Variants in UNC13C observed in about 807,000 individuals in gnomAD.
UNC13C encodes the protein protein unc-13 homolog C.
UNC13C carries 174 observed loss-of-function variants against 245.4 expected under a neutral mutation model. The ratio of observed to expected loss-of-function variants is 0.71; its 90% confidence interval spans 0.63 to 0.80. UNC13C has a LOEUF of 0.80. Ranked by LOEUF, UNC13C falls within the 30% of genes least tolerant of loss-of-function variation. The pLI, the probability that UNC13C is intolerant of heterozygous loss-of-function variation, is 0.00. For synonymous variants in UNC13C, 992 were observed against 895.1 expected, an observed-to-expected ratio of 1.11 and a Z score of -1.93; for missense variants, 2,829 against 2,602.9, an observed-to-expected ratio of 1.09 and a Z score of -1.89.
chr15:54,100,044 C>T (rs1036058388), intron 2 of UNC13C, among the ~76,000 whole-genome samples: 5 of 142,106 alleles, frequency 3.5e-5, no homozygotes, highest in African/African-American at 1.3e-4. Flanking sequence ...AGGTTGCAGT[C>T]AGCAAAGATC....
chr15:54,180,293 A>G (rs1267268621), intron 4 of UNC13C, among the ~76,000 whole-genome samples: 1 of 152,044 alleles, frequency 6.6e-6, no homozygotes, highest in African/African-American at 2.4e-5. Flanking sequence ...GCTTAGGATA[A>G]TGGCCTCCAG....
chr15:53,968,953 A>G, the UNC13C span, among the ~76,000 whole-genome samples: 1 of 152,046 alleles, frequency 6.6e-6, no homozygotes, highest in Admixed American at 6.6e-5. Context: ...AATCCCCACA[A>G]TCCCTATCTT....
At chr15:54,196,009 T>TCA (rs2034341210) in intron 4 of UNC13C, among the ~76,000 whole-genome samples, 1 of 152,118 alleles carries the variant, frequency 6.6e-6, no homozygotes, top group Non-Finnish European at 1.5e-5. Context: ...TGTGACCATC[T>TCA]TTATCTCATG....
chr15:53,980,490 T>C (rs1337721756), intron 1 of UNC13C, among the ~76,000 whole-genome samples: 1 of 152,196 alleles, frequency 6.6e-6, no homozygotes. Flanking sequence ...CATTAAGTAA[T>C]TTTTTAAACT....
intron 10 of UNC13C, among the ~76,000 whole-genome samples, chr15:54,280,034 T>TAA (rs2036934607): frequency 6.6e-6 from 1 of 152,162 alleles, no homozygotes; most frequent in Middle Eastern, 3.2e-3. Flanking sequence ...AACATTTTAG[T>TAA]AATGTGTGTG....
intron 19 of UNC13C, among the ~76,000 whole-genome samples, chr15:54,419,363 T>C (rs1256519862): frequency 6.6e-6 from 1 of 152,156 alleles, no homozygotes; most frequent in African/African-American, 2.4e-5. Flanking sequence ...ACTTGTAGTA[T>C]AGGCAAATCT....
At chr15:54,248,155 A>G (rs555055950) in intron 7 of UNC13C, among the ~76,000 whole-genome samples, 9 of 152,242 alleles carry the variant, frequency 5.9e-5, no homozygotes, top group African/African-American at 2.2e-4. Flanking sequence ...TCATTAGCAG[A>G]TTCTGTTTTA....
At chr15:54,174,685 GAC>G (rs2033545923) in intron 4 of UNC13C, among the ~76,000 whole-genome samples, 1 of 151,900 alleles carries the variant, frequency 6.6e-6, no homozygotes, top group African/African-American at 2.4e-5. Context: ...ACGAAGCCTG[GAC>G]CATATAATAA....
intron 7 of UNC13C, among the ~76,000 whole-genome samples, chr15:54,237,968 T>A (rs1323868064): frequency 6.6e-6 from 1 of 152,168 alleles, no homozygotes; most frequent in African/African-American, 2.4e-5. Context: ...TCCTACTGAT[T>A]TTTTACATAG....
intron 29 of UNC13C, 64 bp from the exon 30 acceptor site, chr15:54,567,736 G>GTTAT: frequency 7.2e-7 from 1 of 1,397,054 alleles, no homozygotes. Context: ...CTCTATTAGA[G>GTTAT]TAATAAATTC....
chr15:54,186,349 G>A (rs1043865631), intron 4 of UNC13C, among the ~76,000 whole-genome samples: 1 of 152,128 alleles, frequency 6.6e-6, no homozygotes. Context: ...TCTTGTGCCA[G>A]TTTTCAAAGG....
intron 17 of UNC13C, among the ~76,000 whole-genome samples, chr15:54,356,742 A>G (rs1055068310): frequency 2.0e-5 from 3 of 152,194 alleles, no homozygotes; most frequent in African/African-American, 7.2e-5. Flanking sequence ...AATAAAACAT[A>G]TGATTTTTTG....
intron 11 of UNC13C, among the ~76,000 whole-genome samples, chr15:54,294,960 A>G (rs2037390959): frequency 6.6e-6 from 1 of 152,228 alleles, no homozygotes; most frequent in Non-Finnish European, 1.5e-5. Context: ...AAAACTCTAG[A>G]TTATAGAATA....
At chr15:54,000,672 A>G (rs1894844407) in intron 1 of UNC13C, among the ~76,000 whole-genome samples, 1 of 152,170 alleles carries the variant, frequency 6.6e-6, no homozygotes, top group Admixed American at 6.5e-5. Flanking sequence ...TTCTTTTGGC[A>G]TTAGAGTGAA....
chr15:53,950,055 C>T, the UNC13C span, among the ~76,000 whole-genome samples: 3 of 152,176 alleles, frequency 2.0e-5, no homozygotes, highest in East Asian at 5.8e-4. Flanking sequence ...CTGTGACACT[C>T]TTACCTCAGT....
At chr15:54,345,972 G>A (rs956436946) in intron 17 of UNC13C, among the ~76,000 whole-genome samples, 7 of 152,146 alleles carry the variant, frequency 4.6e-5, no homozygotes, top group Admixed American at 2.6e-4. Context: ...ACAGCTAACC[G>A]CAGCTCAGCT....
chr15:54,322,890 G>C (rs553788899), intron 14 of UNC13C, among the ~76,000 whole-genome samples: 1 of 151,972 alleles, frequency 6.6e-6, no homozygotes, highest in Admixed American at 6.6e-5. Flanking sequence ...GGTATGTTTG[G>C]GGACATGGAC....
chr15:54,300,161 TG>T, intron 12 of UNC13C, 48 bp from the exon 13 acceptor site: 1 of 1,534,766 alleles, frequency 6.5e-7, no homozygotes, highest in Non-Finnish European at 8.8e-7. Flanking sequence ...TAAATGTTTC[TG>T]GCCTATTCTG....
At chr15:54,590,349 T>C (rs1241454184) in intron 30 of UNC13C, among the ~76,000 whole-genome samples, 2 of 152,224 alleles carry the variant, frequency 1.3e-5, no homozygotes, top group African/African-American at 2.4e-5. Flanking sequence ...TTCATGGGAA[T>C]TGCATTGTAT....
Sources: allele counts gnomAD v4.1 joint callset (sites outside exome capture counted in the v4.1 genomes callset), GRCh38; gene constraint gnomAD v4.1.1; transcripts MANE v1.5; gene names NCBI Gene and HGNC (gene_info 2026-07-23, HGNC 2026-07-21).